The following ZFP69 variants were observed in gnomAD, a reference collection of about 807,000 sequenced individuals.
ZFP69 encodes zinc finger protein 69 homolog.
In ZFP69, 35 loss-of-function variants were observed where a neutral mutation model predicts 48.9. The ratio of observed to expected loss-of-function variants is 0.72; its 90% CI spans 0.55 to 0.95. The LOEUF (loss-of-function observed/expected upper bound fraction) is 0.95, where lower values mean the gene tolerates loss of function less well. ZFP69 is among the 40% of genes least tolerant of loss of function. The pLI, the probability that ZFP69 is intolerant of heterozygous loss-of-function variation, is 0.00. For synonymous variants in ZFP69, 193 were observed against 216.8 expected (o/e 0.89, Z 0.96); for missense variants, 557 against 638.4 (o/e 0.87, Z 1.37).
At chr1:40,485,030 T>C (rs955947765) in intron 3 of ZFP69, among the ~76,000 whole-genome samples, 27 of 151,526 alleles carry the variant, frequency 1.8e-4, no homozygotes, top group African/African-American at 5.3e-4. Flanking sequence ...GTAGCTGGGA[T>C]TACAGGCTCC....
chr1:40,489,223 T>C lies in ZFP69; in HGVS notation c.346+9T>C. On this transcript the variant is annotated intron_variant, in intron 4 of 5. Coordinates refer to ENST00000372706, the MANE Select transcript of ZFP69 (RefSeq NM_001320179.2). ...CAACTTGGTGTCAGTGGGTAAGACT[T>C]GGCTATCCATGCATCCAGAAACCCA... 6.2e-7 allele frequency: 1 copy of C among 1,613,274 alleles called. No homozygotes were observed. Among genetic ancestry groups the C allele is most frequent in the Non-Finnish European group, 8.5e-7 (1 of 1,179,482 alleles).
intron 3 of ZFP69, among the ~76,000 whole-genome samples, chr1:40,487,438 C>T (rs137899061): frequency 4.1e-4 from 62 of 152,164 alleles, no homozygotes; most frequent in African/African-American, 1.5e-3. Context: ...TCTATTTTAT[C>T]ATTTACTACC....
rs1266077870 is a variant in ZFP69 at position 40,495,026 on chromosome 1, T to C, written c.548T>C (p.Ile183Thr). 1.2e-6 allele frequency: 2 copies of C among 1,614,068 alleles called. No individual in the cohort carries two copies. The change falls in exon 6 of 6, where the codon ATA becomes ACA. Residue 183 changes from isoleucine (I) to threonine (T), a missense_variant. Coordinates refer to ENST00000372706, the MANE Select transcript of ZFP69 (RefSeq NM_001320179.2). ...IMMESFMRDD[I>T]IYSTLRKVST... ...ATGGAAAGTTTCATGAGGGATGATA[T>C]AATTTATTCCACGTTGAGAAAAGTC...
At chr1:40,480,026 G>GTC in intron 2 of ZFP69, among the ~76,000 whole-genome samples, 1 of 152,162 alleles carries the variant, frequency 6.6e-6, no homozygotes, top group Non-Finnish European at 1.5e-5. Flanking sequence ...GAAGTCATGT[G>GTC]TCTCATGTGG....
intron 3 of ZFP69, among the ~76,000 whole-genome samples, chr1:40,482,976 A>G (rs77661907): frequency 0.022 from 3,409 of 152,222 alleles, 121 homozygotes; most frequent in African/African-American, 0.078. Flanking sequence ...CTATCAACCA[A>G]TTTAACCTAA....
chr1:40,495,624 T>G lies in ZFP69; in HGVS notation c.1146T>G (p.Pro382=). 2 of 1,614,220 alleles carry G rather than the reference T, an allele frequency of 1.2e-6. No individual in the cohort carries two copies. The highest frequency in any genetic ancestry group is 1.7e-6 in the Non-Finnish European group (2 of 1,180,032). The change falls in exon 6 of 6, where the codon CCT becomes CCG. Residue 382 remains proline, a synonymous_variant. Coordinates refer to ENST00000372706, the MANE Select transcript of ZFP69 (RefSeq NM_001320179.2). ...QHLRTHSGEK[P]FTCNECGKTF... is the part of the protein sequence containing the mutation. The stretch of plus-strand genomic sequence containing the variant: ...TGAGGACTCATTCTGGAGAGAAACC[T>G]TTTACTTGCAATGAATGTGGGAAAA...
intron 2 of ZFP69, among the ~76,000 whole-genome samples, chr1:40,479,691 C>G (rs1645425417): frequency 6.6e-6 from 1 of 152,172 alleles, no homozygotes; most frequent in Admixed American, 6.5e-5. Flanking sequence ...CAGCTGCTCT[C>G]ATCTCCCATC....
intron 3 of ZFP69, 113 bp from the exon 4 acceptor site, chr1:40,488,975 G>A: frequency 7.6e-7 from 1 of 1,313,034 alleles, no homozygotes. Flanking sequence ...ATCCAGAGAA[G>A]GCTCCTGATA....
Position 40,479,337 on chromosome 1 carries a change from G to T in ZFP69, c.-25G>T. On this transcript the variant is annotated 5_prime_UTR_variant, in exon 2 of 6. Coordinates refer to ENST00000372706, the MANE Select transcript of ZFP69 (RefSeq NM_001320179.2). ...TTCTGGCAATTTCCTCACCAGAAGT[G>T]GACAAGTCCAGTAAGGCAGGCATCA... The T allele has an allele frequency of 6.2e-7, 1 of 1,612,412 alleles. No individual in the cohort carries two copies. The highest frequency in any genetic ancestry group is 8.5e-7 in the Non-Finnish European group (1 of 1,179,222).
chr1:40,479,305 C>T lies in ZFP69; in HGVS notation c.-57C>T, dbSNP rs947179076. ...ACCCCACAACTGTGAAGCGTCTCATCAAGAGCTTCTGGCAATTTCCTCACC... is the reference window on the plus strand; with the variant it reads ...ACCCCACAACTGTGAAGCGTCTCATTAAGAGCTTCTGGCAATTTCCTCACC... On this transcript the variant is annotated 5_prime_UTR_variant, in exon 2 of 6. Coordinates refer to ENST00000372706, the MANE Select transcript of ZFP69 (RefSeq NM_001320179.2). 1 of 1,608,272 alleles carries T rather than the reference C, an allele frequency of 6.2e-7. No individual in the cohort carries two copies. Among genetic ancestry groups the T allele is most frequent in the Non-Finnish European group, 8.5e-7 (1 of 1,177,198 alleles).
At chr1:40,489,464 ATTCTGAGGATGG>A in intron 4 of ZFP69, 53 bp from the exon 5 acceptor site, 3 of 1,461,936 alleles carry the variant, frequency 2.1e-6, no homozygotes, top group Non-Finnish European at 2.8e-6. Flanking sequence ...AAGACTCAAA[ATTCTGAGGATGG>A]TTCTTAGACA....
At position 40,477,888 on chromosome 1, in the gene ZFP69, C is replaced by CGAT. The variant is rs1247939609; in HGVS notation, c.-331_-329dup. ...CTCTGGTCCTACCTGGGTCCAAGGC[C>CGAT]GATGTGGTGAGTAGGAGTCTGTGTG... is the stretch of plus-strand genomic sequence containing the variant. On this transcript the variant is annotated 5_prime_UTR_variant, in exon 1 of 6. In the 5' UTR this introduces an upstream ATG that the reference lacks. Transcript: ENST00000372706. The surrounding 1 kb of genome is among the most constrained non-coding windows in gnomAD (Gnocchi z 4.0). 6.6e-6 allele frequency: 1 copy of CGAT among 152,428 alleles called. No individual in the cohort carries two copies. The highest frequency in any genetic ancestry group is 1.5e-5 in the Non-Finnish European group (1 of 68,194). The allele number at this position is 152,428 out of a possible 1,614,324, so 9.4% of individuals were successfully genotyped here.
At chr1:40,482,716 A>G (rs1353451685) in intron 3 of ZFP69, among the ~76,000 whole-genome samples, 1 of 152,228 alleles carries the variant, frequency 6.6e-6, no homozygotes, top group Non-Finnish European at 1.5e-5. Context: ...CATATATTAT[A>G]TCACGCAAAG....
At chr1:40,488,483 C>G (rs533532145) in intron 3 of ZFP69, among the ~76,000 whole-genome samples, 1 of 152,306 alleles carries the variant, frequency 6.6e-6, no homozygotes, top group African/African-American at 2.4e-5. Context: ...ATGCACAGGT[C>G]TTTGTGACAA....
At chr1:40,488,158 G>GT (rs749629559) in intron 3 of ZFP69, among the ~76,000 whole-genome samples, 19 of 128,340 alleles carry the variant, frequency 1.5e-4, no homozygotes, top group Non-Finnish European at 2.2e-4. Context: ...ACATGTGTGT[G>GT]TTTTGTATGT....
chr1:40,481,325 T>C (rs1645441310), intron 2 of ZFP69, among the ~76,000 whole-genome samples: 1 of 152,082 alleles, frequency 6.6e-6, no homozygotes, highest in Non-Finnish European at 1.5e-5. Flanking sequence ...GCAGTACCCA[T>C]TGTTGAGAAA....
intron 4 of ZFP69, 35 bp downstream of exon 4, chr1:40,489,249 C>A: frequency 1.2e-6 from 2 of 1,609,718 alleles, no homozygotes; most frequent in Non-Finnish European, 1.7e-6. Flanking sequence ...CAGAAACCCA[C>A]CCATTACAGG....
chr1:40,489,253 T>C (rs1347007627), intron 4 of ZFP69, 39 bp downstream of exon 4: 1 of 1,602,252 alleles, frequency 6.2e-7, no homozygotes, highest in Non-Finnish European at 8.5e-7. Context: ...AACCCACCCA[T>C]TACAGGAGAG....
intron 5 of ZFP69, among the ~76,000 whole-genome samples, chr1:40,490,473 C>G (rs1166340893): frequency 6.6e-6 from 1 of 152,174 alleles, no homozygotes; most frequent in Non-Finnish European, 1.5e-5. Context: ...TTCCTTACCC[C>G]TTTCCTTCAC....
Sources: gnomAD v4.1 joint callset for allele counts (sites outside exome capture counted in the v4.1 genomes callset) on GRCh38, gnomAD v4.1.1 for gene constraint, Gnocchi (gnomAD v3.1) non-coding constraint, MANE v1.5 for transcripts, NCBI Gene and HGNC (gene_info 2026-07-23, HGNC 2026-07-21) for gene names.